Variants in B4GALT5 observed in about 807,000 individuals in gnomAD.
B4GALT5 encodes UDP-Gal:beta-GlcNAc beta-1,4-galactosyltransferase 5.
In B4GALT5, 11 loss-of-function variants were observed where a neutral mutation model predicts 45.0. The observed-to-expected ratio is 0.24, with a 90% CI of 0.15 to 0.40. The LOEUF is 0.40. Among genes scored for constraint, B4GALT5 ranks in the 10% least tolerant of loss-of-function variants. B4GALT5 has a pLI of 1.00. For missense variants in B4GALT5, 337 were observed against 500.2 expected, an observed-to-expected ratio of 0.67 and a Z score of 3.11; for synonymous variants, 185 against 182.9, an observed-to-expected ratio of 1.01 and a Z score of -0.09.
intron 1 of B4GALT5, among the ~76,000 whole-genome samples, chr20:49,672,907 T>TC (rs1238436093): frequency 6.6e-6 from 1 of 152,184 alleles, no homozygotes; most frequent in Non-Finnish European, 1.5e-5. Context: ...ACAGATCACA[T>TC]AACTGCAAAG....
intron 1 of B4GALT5, among the ~76,000 whole-genome samples, chr20:49,681,853 T>C (rs2085765355): frequency 6.6e-6 from 1 of 152,190 alleles, no homozygotes; most frequent in African/African-American, 2.4e-5. Flanking sequence ...CCCAGCACTT[T>C]GGAAGGCTGA....
At chr20:49,699,852 G>A (rs1210616868) in intron 1 of B4GALT5, among the ~76,000 whole-genome samples, 1 of 152,096 alleles carries the variant, frequency 6.6e-6, no homozygotes, top group Non-Finnish European at 1.5e-5. Context: ...CACAGGTATA[G>A]GACAAAGGAC....
chr20:49,701,728 T>G (rs545265931), intron 1 of B4GALT5, among the ~76,000 whole-genome samples: 1 of 152,310 alleles, frequency 6.6e-6, no homozygotes, highest in Admixed American at 6.5e-5. Context: ...AACTACTTAA[T>G]ACTAAACACC....
intron 1 of B4GALT5, among the ~76,000 whole-genome samples, chr20:49,679,844 T>C (rs2085757045): frequency 1.3e-5 from 2 of 152,186 alleles, no homozygotes. Context: ...TTAGGAAATA[T>C]GGCAAATATT....
intron 1 of B4GALT5, among the ~76,000 whole-genome samples, chr20:49,706,723 C>A (rs2085885613): frequency 1.3e-5 from 2 of 152,186 alleles, no homozygotes; most frequent in African/African-American, 2.4e-5. Flanking sequence ...CCACACCCAA[C>A]CTGCTTGCTT....
chr20:49,670,158 T>G (rs1198300979), intron 1 of B4GALT5, among the ~76,000 whole-genome samples: 4 of 152,214 alleles, frequency 2.6e-5, no homozygotes, highest in East Asian at 3.8e-4. Context: ...GACACAAAAC[T>G]TGACGGAATC....
intron 1 of B4GALT5, among the ~76,000 whole-genome samples, chr20:49,682,196 A>G (rs1188122948): frequency 1.3e-5 from 2 of 152,250 alleles, no homozygotes; most frequent in African/African-American, 2.4e-5. Context: ...AGGAGTCAGA[A>G]GCTGTGGTGG....
intron 1 of B4GALT5, among the ~76,000 whole-genome samples, chr20:49,703,341 T>C (rs548091418): frequency 6.6e-6 from 1 of 152,184 alleles, no homozygotes; most frequent in Admixed American, 6.5e-5. Flanking sequence ...ATTCAGTCAC[T>C]TCAAAATCAG....
chr20:49,665,981 C>T (rs72626552), intron 1 of B4GALT5, among the ~76,000 whole-genome samples: 2,442 of 152,102 alleles, frequency 0.016, 39 homozygotes, highest in East Asian at 0.083. Context: ...AAGGGCTTCA[C>T]GCACTATACT....
intron 7 of B4GALT5, 48 bp from the exon 8 acceptor site, chr20:49,637,490 C>T (rs1213576688): frequency 7.3e-7 from 1 of 1,374,086 alleles, no homozygotes; most frequent in Non-Finnish European, 1.0e-6. Context: ...GGTAATAGCC[C>T]AGGAGTGACC....
chr20:49,703,531 T>G (rs1747631594), intron 1 of B4GALT5, among the ~76,000 whole-genome samples: 1 of 152,008 alleles, frequency 6.6e-6, no homozygotes, highest in Non-Finnish European at 1.5e-5. Context: ...CTATATAGAT[T>G]ATGAGGATAT....
At chr20:49,646,005 G>C (rs187351523) in intron 3 of B4GALT5, among the ~76,000 whole-genome samples, 1 of 152,098 alleles carries the variant, frequency 6.6e-6, no homozygotes, top group African/African-American at 2.4e-5. Flanking sequence ...GGGCAACATA[G>C]TAACACCCCA....
chr20:49,677,070 G>C (rs991461975), intron 1 of B4GALT5, among the ~76,000 whole-genome samples: 1 of 151,976 alleles, frequency 6.6e-6, no homozygotes, highest in Non-Finnish European at 1.5e-5. Flanking sequence ...CTTTGTTCTA[G>C]GGGGTATTTC....
rs535906266 is a variant in B4GALT5 at position 49,656,469 on chromosome 20, T to C, written c.250+99A>G. 31 of 1,483,978 alleles carry C rather than the reference T, an allele frequency of 2.1e-5. 1 individual carries two copies. In the South Asian group the frequency reaches 3.4e-4, roughly 16 times the overall value. The allele number at this position is 1,483,978 out of a possible 1,614,324, so 91.9% of individuals were successfully genotyped here. Reference sequence around the variant, plus strand: ...GTAAAACTCAGCCAAATCCCTCTTTTACAATGCGCTTTTCCCATTGAAAAT... The same window carrying C: ...GTAAAACTCAGCCAAATCCCTCTTTCACAATGCGCTTTTCCCATTGAAAAT... On this transcript the variant is annotated intron_variant, in intron 2 of 8. Transcript: ENST00000371711.
intron 1 of B4GALT5, among the ~76,000 whole-genome samples, chr20:49,693,848 G>A (rs2085826534): frequency 6.6e-6 from 1 of 152,154 alleles, no homozygotes; most frequent in Admixed American, 6.5e-5. Flanking sequence ...CTTTGCATAA[G>A]GGGTAGCCTC....
At chr20:49,713,476 G>A (rs2146366902) in intron 1 of B4GALT5, 100 bp downstream of exon 1, 3 of 1,252,608 alleles carry the variant, frequency 2.4e-6, no homozygotes, top group Non-Finnish European at 3.3e-6. Flanking sequence ...ACCAGGCTCA[G>A]GGCCGCCTCC....
intron 1 of B4GALT5, among the ~76,000 whole-genome samples, chr20:49,697,691 C>G (rs2085845221): frequency 6.6e-6 from 1 of 151,968 alleles, no homozygotes; most frequent in African/African-American, 2.4e-5. Flanking sequence ...TATGAATTAG[C>G]CTAAACCTGT....
intron 1 of B4GALT5, among the ~76,000 whole-genome samples, chr20:49,687,727 G>A (rs1007245927): frequency 6.6e-6 from 1 of 152,062 alleles, no homozygotes; most frequent in Non-Finnish European, 1.5e-5. Context: ...CTTAGTAAAT[G>A]GAGCACAGAC....
intron 1 of B4GALT5, among the ~76,000 whole-genome samples, chr20:49,662,546 G>A (rs1433707569): frequency 6.6e-6 from 1 of 152,134 alleles, no homozygotes; most frequent in African/African-American, 2.4e-5. Context: ...GCTCCAGGAG[G>A]CATGGAGATG....
Sources: gnomAD v4.1 joint callset for allele counts (sites outside exome capture counted in the v4.1 genomes callset) on GRCh38, gnomAD v4.1.1 for gene constraint, MANE v1.5 for transcripts, NCBI Gene and HGNC (gene_info 2026-07-23, HGNC 2026-07-21) for gene names.